Variants in TEN1 observed in about 807,000 individuals in gnomAD.
The protein encoded by TEN1 is CST complex subunit TEN1.
Under a neutral mutation model 9.3 loss-of-function variants are expected in TEN1, and 6 were observed. That is an observed-to-expected ratio of 0.65 (90% CI 0.35 to 1.27). The LOEUF (loss-of-function observed/expected upper bound fraction) is 1.27, where lower values mean the gene tolerates loss of function less well. Among genes scored for constraint, TEN1 ranks in the 50% most tolerant of loss-of-function variants. The pLI is 0.03. For synonymous variants in TEN1, 65 were observed against 65.6 expected (o/e 0.99, Z 0.04); for missense variants, 149 against 158.2 (o/e 0.94, Z 0.31).
At chr17:75,985,716 G>A (rs1356582809) in intron 1 of TEN1, among the ~76,000 whole-genome samples, 7 of 151,384 alleles carry the variant, frequency 4.6e-5, no homozygotes, top group African/African-American at 1.7e-4. Flanking sequence ...TAGAGACAGC[G>A]TTTCTCCATG....
At chr17:75,994,850 A>G (rs1401305765) in intron 3 of TEN1, among the ~76,000 whole-genome samples, 1 of 152,074 alleles carries the variant, frequency 6.6e-6, no homozygotes, top group African/African-American at 2.4e-5. Context: ...AGGTGGGAGG[A>G]GAGCATCCTG....
Position 75,979,527 on chromosome 17 carries a change from G to A in TEN1, c.-7+16G>A, listed in dbSNP as rs2066097749. The A allele has an allele frequency of 3.3e-6, 1 of 305,456 alleles. No homozygotes were observed. The highest frequency in any genetic ancestry group is 2.2e-5 in the African/African-American group (1 of 44,676). 18.9% of individuals were successfully genotyped at this position (305,456 alleles called of 1,614,324 possible). A position where few individuals can be genotyped will look rare whatever the true frequency, so the allele number is the denominator to read the frequency against. Reference sequence around the variant, plus strand: ...CCTAGAACAGGTTGGCTGGGGCCTTGGGAAGGGGGCGGGACAACGAGGCTG... The same window carrying A: ...CCTAGAACAGGTTGGCTGGGGCCTTAGGAAGGGGGCGGGACAACGAGGCTG... On this transcript the variant is annotated intron_variant, in intron 1 of 3. Coordinates refer to ENST00000397640, the MANE Select transcript of TEN1 (RefSeq NM_001113324.3).
intron 2 of TEN1, among the ~76,000 whole-genome samples, chr17:75,991,148 TC>T (rs1361318866): frequency 1.7e-4 from 2 of 12,118 alleles, no homozygotes; most frequent in Admixed American, 1.7e-3. Context: ...AGACTCCATC[TC>T]AAAAAAAAAA....
At chr17:75,979,916 A>G (rs1053536633) in intron 1 of TEN1, among the ~76,000 whole-genome samples, 3 of 151,686 alleles carry the variant, frequency 2.0e-5, no homozygotes, top group African/African-American at 7.3e-5. Flanking sequence ...GTGCTGCTCT[A>G]AGCCTTCTGT....
chr17:75,992,750 G>C (rs933425476), intron 3 of TEN1, among the ~76,000 whole-genome samples: 2 of 150,020 alleles, frequency 1.3e-5, no homozygotes, highest in African/African-American at 4.9e-5. Flanking sequence ...CTGACCTTGT[G>C]ATCCACCCGC....
At position 75,991,572 on chromosome 17, in the gene TEN1, G is replaced by A. The variant is rs998232737; in HGVS notation, c.199G>A (p.Ala67Thr). 256 of 1,551,966 alleles carry A rather than the reference G, an allele frequency of 1.6e-4. 1 individual carries two copies. The highest frequency in any genetic ancestry group is 2.0e-4 in the Non-Finnish European group (231 of 1,147,074). ...VCTKLVEPFH[A>T]QVGSLYIVLG... Reference sequence around the variant, plus strand: ...TACCAAGTTGGTGGAGCCCTTCCACGCCCAGGTGGGCTCCCTGTACATCGT... The same window carrying A: ...TACCAAGTTGGTGGAGCCCTTCCACACCCAGGTGGGCTCCCTGTACATCGT... Residue 67 changes from alanine (A) to threonine (T), a missense_variant, in exon 3 of 4, where the codon GCC becomes ACC. Ala to Thr is a moderately conservative substitution (Grantham distance 58). Transcript: ENST00000397640.
Position 75,979,384 on chromosome 17 carries a change from A to G in TEN1, c.-134A>G, listed in dbSNP as rs943527263. On this transcript the variant is annotated 5_prime_UTR_variant, in exon 1 of 4. Coordinates refer to ENST00000397640, the MANE Select transcript of TEN1 (RefSeq NM_001113324.3). ...CCTCGGGAAAGGGGCTCCGAAGGTCAAGAAACTGCCCTGCTGGGCGTCCGG... is the reference window on the plus strand; with the variant it reads ...CCTCGGGAAAGGGGCTCCGAAGGTCGAGAAACTGCCCTGCTGGGCGTCCGG... The G allele has an allele frequency of 7.7e-6, 4 of 519,818 alleles. No individual in the cohort carries two copies. The highest frequency in any genetic ancestry group is 1.4e-5 in the Non-Finnish European group (4 of 286,126). 32.2% of individuals were successfully genotyped at this position (519,818 alleles called of 1,614,324 possible).
intron 3 of TEN1, among the ~76,000 whole-genome samples, chr17:75,991,982 G>A (rs1401288020): frequency 2.0e-5 from 3 of 149,784 alleles, no homozygotes; most frequent in Non-Finnish European, 3.0e-5. Context: ...GGGAGGTACA[G>A]GTTGCAGTGA....
chr17:75,986,123 C>G (rs1397460373), intron 1 of TEN1, 64 bp from the exon 2 acceptor site: 2 of 1,265,178 alleles, frequency 1.6e-6, no homozygotes, highest in African/African-American at 1.5e-5. Context: ...CTGCTAATCT[C>G]TGTTTTGTAG....
chr17:75,998,169 C>CA (rs1555622205), intron 3 of TEN1, among the ~76,000 whole-genome samples: 2 of 135,738 alleles, frequency 1.5e-5, no homozygotes, highest in Admixed American at 1.5e-4. Context: ...TTTTTTTTTC[C>CA]TTTTTTTTTT....
intron 1 of TEN1, among the ~76,000 whole-genome samples, chr17:75,984,295 G>T (rs770311297): frequency 2.9e-4 from 44 of 152,292 alleles, no homozygotes; most frequent in Non-Finnish European, 5.6e-4. Flanking sequence ...TTTGCTCATT[G>T]TTGGCCATTA....
chr17:75,990,967 T>C (rs943075614), intron 2 of TEN1, among the ~76,000 whole-genome samples: 1 of 151,228 alleles, frequency 6.6e-6, no homozygotes, highest in Non-Finnish European at 1.5e-5. Flanking sequence ...CTGGACAATA[T>C]GGTAAAACCC....
At chr17:75,982,110 T>G (rs2066125198) in intron 1 of TEN1, among the ~76,000 whole-genome samples, 2 of 152,136 alleles carry the variant, frequency 1.3e-5, no homozygotes, top group Non-Finnish European at 2.9e-5. Flanking sequence ...AAAAAGAAAT[T>G]ATCTGACCTA....
chr17:75,997,402 A>G (rs1338804905), intron 3 of TEN1, among the ~76,000 whole-genome samples: 5 of 151,864 alleles, frequency 3.3e-5, no homozygotes, highest in Non-Finnish European at 7.4e-5. Context: ...CCTGCCTCAC[A>G]AGAACCCACT....
At chr17:75,997,435 C>T (rs1349296776) in intron 3 of TEN1, among the ~76,000 whole-genome samples, 2 of 152,102 alleles carry the variant, frequency 1.3e-5, no homozygotes, top group South Asian at 2.1e-4. Flanking sequence ...CTGTCCCTCC[C>T]GGCTTATTGC....
chr17:75,986,767 G>C (rs969174940), intron 2 of TEN1, among the ~76,000 whole-genome samples: 1 of 151,526 alleles, frequency 6.6e-6, no homozygotes, highest in East Asian at 1.9e-4. Flanking sequence ...ATTGTAAAAA[G>C]TGTAGATAGT....
chr17:75,979,692 A>G (rs2066100985), intron 1 of TEN1, among the ~76,000 whole-genome samples, 181 bp downstream of exon 1: 2 of 152,040 alleles, frequency 1.3e-5, no homozygotes. Context: ...GCTTTGCGGA[A>G]TTGCTAGGGA....
chr17:75,986,201 G>T lies in TEN1; in HGVS notation c.9G>T (p.Leu3=), dbSNP rs771288571. The T allele has an allele frequency of 5.8e-6, 9 of 1,548,654 alleles. No individual in the cohort carries two copies. In the African/African-American group the frequency reaches 1.2e-4, roughly 21 times the overall value. MM[L]PKPGTYYLPW... ...TTTGGTTACAGGAGCCCATGATGCT[G>T]CCCAAACCTGGGACCTATTACCTCC... Residue 3 remains leucine (L), a synonymous_variant, in exon 2 of 4, where the codon CTG becomes CTT. Coordinates refer to ENST00000397640, the MANE Select transcript of TEN1 (RefSeq NM_001113324.3).
intron 1 of TEN1, 69 bp from the exon 2 acceptor site, chr17:75,986,118 A>G (rs570460073): frequency 3.3e-6 from 4 of 1,221,368 alleles, no homozygotes; most frequent in Admixed American, 5.1e-5. Context: ...TATATCTGCT[A>G]ATCTCTGTTT....
Sources: allele counts gnomAD v4.1 joint callset (sites outside exome capture counted in the v4.1 genomes callset), GRCh38; gene constraint gnomAD v4.1.1; transcripts MANE v1.5; gene names NCBI Gene and HGNC (gene_info 2026-07-23, HGNC 2026-07-21).